The following KLHL13 variants were observed in gnomAD, a reference collection of about 807,000 sequenced individuals.
The protein encoded by KLHL13 is kelch like family member 13.
In KLHL13, 10 loss-of-function variants were observed where a neutral mutation model predicts 37.1. The ratio of observed to expected loss-of-function variants is 0.27; its 90% CI spans 0.17 to 0.46. The LOEUF (loss-of-function observed/expected upper bound fraction) is 0.46. KLHL13 is among the 20% of genes least tolerant of loss of function. The pLI, the probability that KLHL13 is intolerant of heterozygous loss-of-function variation, is 1.00. For synonymous variants in KLHL13, 163 were observed against 181.2 expected, an observed-to-expected ratio of 0.90 and a Z score of 0.81; for missense variants, 360 against 509.3, an observed-to-expected ratio of 0.71 and a Z score of 2.82.
intron 1 of KLHL13, among the ~76,000 whole-genome samples, chrX:117,979,462 G>A (rs1332168587): frequency 9.0e-6 from 1 of 111,318 alleles, no homozygotes; most frequent in African/African-American, 3.3e-5. Context: ...TGTCCTTCAA[G>A]AAGGAATCCC....
chrX:118,104,095 G>A (rs1189639980), intron 1 of KLHL13, among the ~76,000 whole-genome samples: 10 of 104,150 alleles, frequency 9.6e-5, no homozygotes, highest in African/African-American at 1.4e-4. Flanking sequence ...GGTGATGTGC[G>A]CCTGTGTTCC....
chrX:117,989,734 T>C (rs916876018), intron 1 of KLHL13, among the ~76,000 whole-genome samples: 8 of 111,527 alleles, frequency 7.2e-5, no homozygotes, highest in Admixed American at 6.7e-4. Context: ...TGGAATTCCC[T>C]GCCCTTCTAC....
intron 1 of KLHL13, among the ~76,000 whole-genome samples, chrX:118,038,098 C>G (rs183529832): frequency 1.8e-5 from 2 of 112,084 alleles, no homozygotes; most frequent in African/African-American, 6.5e-5. Context: ...TAGGACACAC[C>G]AAACAGTGTC....
intron 1 of KLHL13, among the ~76,000 whole-genome samples, chrX:118,030,120 C>A (rs2054320178): frequency 9.0e-6 from 1 of 111,630 alleles, no homozygotes; most frequent in Admixed American, 9.5e-5. Context: ...GGAAAAAAAA[C>A]TCTATTTATT....
intron 1 of KLHL13, among the ~76,000 whole-genome samples, chrX:117,951,500 GC>G (rs1312663388): frequency 9.0e-6 from 1 of 110,957 alleles, no homozygotes; most frequent in Non-Finnish European, 1.9e-5. Flanking sequence ...GAAAGATAAA[GC>G]TTTTGTTAGT....
rs745915715 is a variant in KLHL13, at chrX:118,070,766, A to ATTTAT, written c.-56+45741_-56+45742insATAAA. ...AATATTTTTATTTATTTATTTATTT[A>ATTTAT]TTATTATACTTTAAGTTTTAGGGTA... On this transcript the variant is annotated intron_variant, in intron 1 of 6. Transcript: ENST00000371882. Among the ~76,000 whole-genome samples, 909 of 104,435 alleles carry ATTTAT rather than the reference A, an allele frequency of 8.7e-3. 16 individuals are homozygous for ATTTAT. Among genetic ancestry groups the ATTTAT allele is most frequent in the African/African-American group, 0.031 (841 of 27,117 alleles). 90.7% of individuals were successfully genotyped at this position (104,435 alleles called of 115,157 possible).
intron 2 of KLHL13, among the ~76,000 whole-genome samples, chrX:117,927,591 G>A (rs1186120423): frequency 8.9e-6 from 1 of 112,288 alleles, no homozygotes; most frequent in Non-Finnish European, 1.9e-5. Flanking sequence ...GGTCCAGGTG[G>A]AGGAGAATGA....
chrX:117,900,785 G>C (rs991195391), intron 6 of KLHL13, among the ~76,000 whole-genome samples: 2 of 111,474 alleles, frequency 1.8e-5, no homozygotes, highest in Admixed American at 1.9e-4. Context: ...GTCCCAGGCA[G>C]AGTGTGTCAG....
intron 1 of KLHL13, among the ~76,000 whole-genome samples, chrX:118,040,342 G>A (rs1463719273): frequency 9.0e-6 from 1 of 111,205 alleles, no homozygotes; most frequent in Non-Finnish European, 1.9e-5. Context: ...CTGTTTTGAT[G>A]AACCTCAATG....
intron 1 of KLHL13, among the ~76,000 whole-genome samples, chrX:118,057,355 A>T (rs1239329988): frequency 8.9e-6 from 1 of 112,404 alleles, no homozygotes; most frequent in African/African-American, 3.2e-5. Context: ...ACAAATATTA[A>T]CTAAAATGGA....
intron 1 of KLHL13, among the ~76,000 whole-genome samples, chrX:118,086,977 CA>C (rs955353297): frequency 5.6e-5 from 6 of 107,780 alleles, no homozygotes; most frequent in South Asian, 3.9e-4. Flanking sequence ...TGTTACGCTA[CA>C]AAAAAAAACT....
chrX:118,095,498 C>G (rs2055194454), intron 1 of KLHL13, among the ~76,000 whole-genome samples: 1 of 111,202 alleles, frequency 9.0e-6, no homozygotes, highest in Admixed American at 9.6e-5. Flanking sequence ...AGAAAGTTAA[C>G]AAGGATATCC....
intron 1 of KLHL13, among the ~76,000 whole-genome samples, chrX:117,960,285 CCAGA>C (rs1247478447): frequency 9.0e-6 from 1 of 110,995 alleles, no homozygotes; most frequent in East Asian, 2.8e-4. Flanking sequence ...ATAATAGGAG[CCAGA>C]CAATGTCTAG....
intron 1 of KLHL13, among the ~76,000 whole-genome samples, chrX:118,054,942 TAA>T (rs1455823236): frequency 2.4e-5 from 2 of 84,111 alleles, no homozygotes; most frequent in Admixed American, 1.6e-4. Context: ...CTCTTTTTAG[TAA>T]GTGATTTTCA....
intron 4 of KLHL13, among the ~76,000 whole-genome samples, chrX:117,918,285 G>A (rs1931485700): frequency 9.0e-6 from 1 of 111,301 alleles, no homozygotes; most frequent in East Asian, 2.8e-4. Context: ...ACTTTCAATA[G>A]GCCAGTTAAA....
chrX:117,951,328 T>C (rs763660889), intron 1 of KLHL13, among the ~76,000 whole-genome samples: 5 of 112,319 alleles, frequency 4.5e-5, no homozygotes, highest in African/African-American at 1.3e-4. Flanking sequence ...ATAGTATCAT[T>C]ACACAAAGAA....
At chrX:118,081,084 G>T (rs1425979438) in intron 1 of KLHL13, among the ~76,000 whole-genome samples, 1 of 111,252 alleles carries the variant, frequency 9.0e-6, no homozygotes, top group Admixed American at 9.6e-5. Flanking sequence ...CATAAATATC[G>T]AAACAATAGA....
intron 1 of KLHL13, among the ~76,000 whole-genome samples, chrX:118,088,980 G>A (rs2148144559): frequency 9.0e-6 from 1 of 111,468 alleles, no homozygotes; most frequent in African/African-American, 3.3e-5. Context: ...AAATGACAGT[G>A]AGCACAAACC....
At chrX:117,981,466 A>T (rs2053661235) in intron 1 of KLHL13, among the ~76,000 whole-genome samples, 1 of 112,303 alleles carries the variant, frequency 8.9e-6, no homozygotes, top group East Asian at 2.8e-4. Context: ...GTCTACTTCA[A>T]CTAATAAGTT....
Sources: allele counts gnomAD v4.1 joint callset (sites outside exome capture counted in the v4.1 genomes callset), GRCh38; gene constraint gnomAD v4.1.1; transcripts MANE v1.5; gene names NCBI Gene and HGNC (gene_info 2026-07-23, HGNC 2026-07-21).